HDHD2: variants seen among roughly 807,000 people sequenced by gnomAD.
The protein encoded by HDHD2 is haloacid dehalogenase like hydrolase domain containing 2.
A neutral mutation model predicts 24.8 loss-of-function variants in HDHD2; 26 were observed. The observed-to-expected ratio is 1.05, with a 90% confidence interval of 0.77 to 1.45. HDHD2 has a LOEUF of 1.45. HDHD2 is among the 40% of genes most tolerant of loss of function. The pLI is 0.00. For synonymous variants in HDHD2, 128 were observed against 114.9 expected, an observed-to-expected ratio of 1.11 and a Z score of -0.73; for missense variants, 299 against 313.4, an observed-to-expected ratio of 0.95 and a Z score of 0.35.
At chr18:47,122,820 G>A (rs2063619799) in intron 4 of HDHD2, among the ~76,000 whole-genome samples, 1 of 151,846 alleles carries the variant, frequency 6.6e-6, no homozygotes, top group African/African-American at 2.4e-5. Flanking sequence ...AGTGAAAGAT[G>A]AAATGAAAAA....
intron 6 of HDHD2, chr18:47,110,888 A>G: frequency 1.0e-6 from 1 of 984,946 alleles, no homozygotes; most frequent in Non-Finnish European, 1.2e-6. Flanking sequence ...TAATTGATCA[A>G]ATTATATTGA....
chr18:47,110,338 GA>G (rs66901117), intron 6 of HDHD2: 59,111 of 985,330 alleles, frequency 0.06, 1,898 homozygotes, highest in Non-Finnish European at 0.066. Context: ...TTAGCACCCT[GA>G]AGGCACCTGT....
chr18:47,111,291 T>TG, intron 6 of HDHD2: 1 of 983,552 alleles, frequency 1.0e-6, no homozygotes, highest in African/African-American at 1.8e-5. Flanking sequence ...GGAGACCAGC[T>TG]GGGGGAGCTG....
intron 4 of HDHD2, among the ~76,000 whole-genome samples, chr18:47,116,687 T>C (rs2063560395): frequency 6.6e-6 from 1 of 152,206 alleles, no homozygotes; most frequent in Non-Finnish European, 1.5e-5. Context: ...GACCTAGAGC[T>C]GACAGCAATG....
At chr18:47,137,258 G>A in intron 1 of HDHD2, 1 of 560,050 alleles carries the variant, frequency 1.8e-6, no homozygotes, top group Non-Finnish European at 3.4e-6. Context: ...AATGGAGGCT[G>A]AAGATACAAT....
chr18:47,134,001 T>C (rs891383897), intron 3 of HDHD2, among the ~76,000 whole-genome samples: 4 of 152,256 alleles, frequency 2.6e-5, no homozygotes, highest in East Asian at 1.9e-4. Context: ...TTTGTCAATT[T>C]TGGCTTTTGC....
At chr18:47,132,977 T>C (rs1377425630) in intron 3 of HDHD2, among the ~76,000 whole-genome samples, 1 of 152,162 alleles carries the variant, frequency 6.6e-6, no homozygotes, top group Non-Finnish European at 1.5e-5. Context: ...CTCAAAGTAA[T>C]TTTGACCTGT....
Position 47,128,416 on chromosome 18 carries a change from G to A in HDHD2, c.395+1828C>T, listed in dbSNP as rs538566178. Among the ~76,000 whole-genome samples, 6 of 152,242 alleles carry A rather than the reference G, an allele frequency of 3.9e-5. No individual in the cohort carries two copies. In the South Asian group the frequency reaches 6.2e-4, roughly 16 times the overall value. On this transcript the variant is annotated intron_variant, in intron 4 of 6. Coordinates refer to ENST00000300605, the MANE Select transcript of HDHD2 (RefSeq NM_032124.5). ...TTCAGAAAAAATAATAGCAGATTCC[G>A]TTTCAAATGAAAACTGATATTGGTA...
chr18:47,148,544 G>A (rs1344336887), intron 1 of HDHD2, among the ~76,000 whole-genome samples: 2 of 152,104 alleles, frequency 1.3e-5, no homozygotes, highest in African/African-American at 4.8e-5. Flanking sequence ...CATCCCAAGA[G>A]GAGAACTTCC....
Position 47,108,140 on chromosome 18 carries a change from C to A in HDHD2, c.*542G>T, listed in dbSNP as rs1173189188. 1 of 152,656 alleles carries A rather than the reference C, an allele frequency of 6.6e-6. No individual in the cohort carries two copies. The highest frequency in any genetic ancestry group is 1.5e-5 in the Non-Finnish European group (1 of 68,050). The allele number at this position is 152,656 out of a possible 1,614,324, so 9.5% of individuals were successfully genotyped here. The stretch of plus-strand genomic sequence containing the variant: ...ATACAGTAGAAAATTTAGTTTTCAA[C>A]ATCTGTTAAAGCAAATTCACTGTAC... On this transcript the variant is annotated 3_prime_UTR_variant, in exon 7 of 7. Transcript: ENST00000300605.
chr18:47,119,782 T>C (rs2144302950), intron 4 of HDHD2, among the ~76,000 whole-genome samples: 1 of 152,152 alleles, frequency 6.6e-6, no homozygotes, highest in Middle Eastern at 3.4e-3. Context: ...TCATTGTCTA[T>C]GGCAGCTATG....
In HDHD2 at chr18:47,112,974, T is replaced by A. The variant is rs372761162; in HGVS notation, c.676+3A>T. The A allele has an allele frequency of 1.6e-5, 25 of 1,610,924 alleles. No homozygotes were observed. In the African/African-American group the frequency reaches 2.7e-4, roughly 17 times the overall value. On this transcript the variant is annotated splice_donor_region_variant and intron_variant, in intron 6 of 6. Coordinates refer to ENST00000300605, the MANE Select transcript of HDHD2 (RefSeq NM_032124.5). ...GAAAATGCTTTATACAGAAGATACA[T>A]ACCAGTCTTTACTAAGATGCCCAGC... is the stretch of plus-strand genomic sequence containing the variant.
At chr18:47,145,010 C>A (rs2063855513) in intron 1 of HDHD2, among the ~76,000 whole-genome samples, 3 of 152,008 alleles carry the variant, frequency 2.0e-5, no homozygotes, top group Non-Finnish European at 2.9e-5. Flanking sequence ...GAACAAAAGG[C>A]AAGATCAAAA....
intron 5 of HDHD2, among the ~76,000 whole-genome samples, chr18:47,114,764 G>A (rs2063543742): frequency 6.6e-6 from 1 of 152,012 alleles, no homozygotes; most frequent in African/African-American, 2.4e-5. Flanking sequence ...GTTCTCATTT[G>A]TGCAGCATTG....
At chr18:47,150,123 C>T (rs2063915336) in intron 1 of HDHD2, 1 of 151,856 alleles carries the variant, frequency 6.6e-6, no homozygotes, top group South Asian at 2.1e-4. Context: ...GACTGACACA[C>T]TAGCTTCACG....
At position 47,121,065 on chromosome 18, in the gene HDHD2, G is replaced by C. The variant is rs138337470; in HGVS notation, c.396-5717C>G. On this transcript the variant is annotated intron_variant, in intron 4 of 6. Coordinates refer to ENST00000300605, the MANE Select transcript of HDHD2 (RefSeq NM_032124.5). ...CACATACTGTTGGAAATATGGTGCC[G>C]ATGACTTGCTCAATGTAGGGTTACC... 3.3e-3 allele frequency among the ~76,000 whole-genome samples: 495 copies of C among 151,406 alleles called. 3 individuals are homozygous for C. Among genetic ancestry groups the C allele is most frequent in the Non-Finnish European group, 5.5e-3 (372 of 67,924 alleles).
intron 3 of HDHD2, among the ~76,000 whole-genome samples, chr18:47,132,384 C>T (rs1187281632): frequency 6.6e-6 from 1 of 152,126 alleles, no homozygotes; most frequent in African/African-American, 2.4e-5. Flanking sequence ...TTCGTTATTA[C>T]AAATAAGGTA....
intron 6 of HDHD2, chr18:47,111,073 T>G (rs1359294638): frequency 1.0e-6 from 1 of 985,228 alleles, no homozygotes; most frequent in East Asian, 1.1e-4. Context: ...TTCCACATGT[T>G]TTTAGAACAG....
intron 3 of HDHD2, among the ~76,000 whole-genome samples, chr18:47,133,969 T>A (rs983083341): frequency 6.6e-6 from 1 of 152,252 alleles, no homozygotes. Flanking sequence ...GTGCAGAAGC[T>A]CTTTAGTTTA....
Sources: gnomAD v4.1 joint callset for allele counts (sites outside exome capture counted in the v4.1 genomes callset) on GRCh38, gnomAD v4.1.1 for gene constraint, MANE v1.5 for transcripts, NCBI Gene and HGNC (gene_info 2026-07-23, HGNC 2026-07-21) for gene names.